Variants in SIRPB1 observed in about 807,000 individuals in gnomAD.
SIRPB1 encodes signal-regulatory protein beta-1.
Under a neutral mutation model 34.1 loss-of-function variants are expected in SIRPB1, and 28 were observed. That is an observed-to-expected ratio of 0.82 (90% CI 0.61 to 1.12). The LOEUF is 1.12. Among genes scored for constraint, SIRPB1 ranks in the 50% most tolerant of loss-of-function variants. SIRPB1 has a pLI of 0.00. For missense variants in SIRPB1, 499 were observed against 507.0 expected, an observed-to-expected ratio of 0.98 and a Z score of 0.15; for synonymous variants, 211 against 203.8, an observed-to-expected ratio of 1.04 and a Z score of -0.30.
rs2091425382 is a variant in SIRPB1, at chr20:1,586,846, G to GTA, written c.77-8153_77-8152insTA. On this transcript the variant is annotated intron_variant, in intron 1 of 5. Transcript: ENST00000381605. ...GGGACCACTGCACACGTGTGTGTGC[G>GTA]TGTGTGTGTACACATTCACAAATAT... Among the ~76,000 whole-genome samples, 2 of 49,436 alleles carry GTA rather than the reference G, an allele frequency of 4.0e-5. 1 individual carries two copies. The highest frequency in any genetic ancestry group is 7.8e-5 in the Non-Finnish European group (2 of 25,502). 32.4% of individuals were successfully genotyped at this position (49,436 alleles called of 152,430 possible). A position where few individuals can be genotyped will look rare whatever the true frequency, so the allele number is the denominator to read the frequency against.
intron 2 of SIRPB1, 23 bp from the exon 3 acceptor site, chr20:1,572,060 CAGG>C: frequency 6.2e-7 from 1 of 1,613,834 alleles, no homozygotes; most frequent in Non-Finnish European, 8.5e-7. Flanking sequence ...CATCGATAAT[CAGG>C]AGACATGACT....
chr20:1,603,246 A>C lies in SIRPB1; in HGVS notation c.76+16623T>G, dbSNP rs1453586372. On this transcript the variant is annotated intron_variant, in intron 1 of 5. Coordinates refer to ENST00000381605, the MANE Select transcript of SIRPB1 (RefSeq NM_006065.5). ...GCAGGAAAGGAGATCATAGATGAAC[A>C]GAAACTTGCACATAATAAATCTGCA... The C allele has an allele frequency of 3.7e-5, 6 of 163,542 alleles. 3 individuals are homozygous for C. The highest frequency in any genetic ancestry group is 7.1e-5 in the Non-Finnish European group (6 of 85,028). The allele number at this position is 163,542 out of a possible 1,614,324, so 10.1% of individuals were successfully genotyped here.
chr20:1,564,762 G>A lies in SIRPB1; in HGVS notation c.*738C>T, dbSNP rs973650991. 1 of 396,672 alleles carries A rather than the reference G, an allele frequency of 2.5e-6. No homozygotes were observed. The highest frequency in any genetic ancestry group is 2.1e-5 in the African/African-American group (1 of 48,596). 24.6% of individuals were successfully genotyped at this position (396,672 alleles called of 1,614,324 possible). On this transcript the variant is annotated 3_prime_UTR_variant, in exon 6 of 6. Coordinates refer to ENST00000381605, the MANE Select transcript of SIRPB1 (RefSeq NM_006065.5). ...TACACTAGAGAAATTGGCAAGCACT[G>A]CAAAACAGCTTTTGGTTTTTCCCTT...
At position 1,594,226 on chromosome 20, in the gene SIRPB1, A is replaced by G. The variant is rs1419836008; in HGVS notation, c.77-15532T>C. Among the ~76,000 whole-genome samples, 2 of 48,378 alleles carry G rather than the reference A, an allele frequency of 4.1e-5. 1 individual carries two copies. Among genetic ancestry groups the G allele is most frequent in the African/African-American group, 2.8e-4 (2 of 7,246 alleles). The allele number at this position is 48,378 out of a possible 152,430, so 31.7% of individuals were successfully genotyped here. A position where few individuals can be genotyped will look rare whatever the true frequency, so the allele number is the denominator to read the frequency against. ...CTCAAAAAAACAAACAAACAAACAA[A>G]AAATTATTTTAACTGATGCAATAGT... On this transcript the variant is annotated intron_variant, in intron 1 of 5. Transcript: ENST00000381605.
In SIRPB1 at chr20:1,587,264, A is replaced by G. The variant is rs2091427175; in HGVS notation, c.77-8570T>C. On this transcript the variant is annotated intron_variant, in intron 1 of 5. Transcript: ENST00000381605. ...TAAGAACAGTTTTTGCGTTATAGGA[A>G]GATCTCAATTGCTGAACTATTACTG... Among the ~76,000 whole-genome samples the G allele has an allele frequency of 4.0e-5, 2 of 49,666 alleles. 1 individual carries two copies. The highest frequency in any genetic ancestry group is 2.6e-4 in the African/African-American group (2 of 7,578). 32.6% of individuals were successfully genotyped at this position (49,666 alleles called of 152,430 possible). A position where few individuals can be genotyped will look rare whatever the true frequency, so the allele number is the denominator to read the frequency against.
chr20:1,614,488 C>T (rs1204415003), intron 1 of SIRPB1, among the ~76,000 whole-genome samples: 2 of 151,988 alleles, frequency 1.3e-5, no homozygotes, highest in African/African-American at 4.8e-5. Context: ...CCTAGTAAAA[C>T]CCATCATGGT....
At chr20:1,568,405 G>A (rs905959221) in intron 4 of SIRPB1, among the ~76,000 whole-genome samples, 6 of 152,274 alleles carry the variant, frequency 3.9e-5, no homozygotes, top group African/African-American at 1.2e-4. Context: ...TATGTGCCAG[G>A]ATGCCATGTC....
Position 1,565,424 on chromosome 20 carries a change from G to A in SIRPB1, c.*76C>T, listed in dbSNP as rs894523643. ...GAGGAGGCGTTTGGAGCTGAGTGTG[G>A]GGAAGGTTCTCGCCAGCTCCTTCTC... On this transcript the variant is annotated 3_prime_UTR_variant, in exon 6 of 6. Coordinates refer to ENST00000381605, the MANE Select transcript of SIRPB1 (RefSeq NM_006065.5). The A allele has an allele frequency of 4.4e-5, 8 of 180,492 alleles. No homozygotes were observed. The allele number at this position is 180,492 out of a possible 1,614,324, so 11.2% of individuals were successfully genotyped here. A position where few individuals can be genotyped will look rare whatever the true frequency, so the allele number is the denominator to read the frequency against.
intron 1 of SIRPB1, among the ~76,000 whole-genome samples, chr20:1,617,782 T>C (rs1355895233): frequency 6.6e-6 from 1 of 152,238 alleles, no homozygotes; most frequent in Non-Finnish European, 1.5e-5. Context: ...TAATATGGTA[T>C]ACATGATAAG....
intron 4 of SIRPB1, 64 bp from the exon 5 acceptor site, chr20:1,566,331 C>T (rs1052550323): frequency 1.5e-5 from 14 of 948,530 alleles, no homozygotes; most frequent in Non-Finnish European, 2.3e-5. Context: ...CCAGGGGCCT[C>T]CACTTACCCC....
At chr20:1,570,646 C>A (rs550631726) in intron 4 of SIRPB1, 159 bp downstream of exon 4, 21 of 616,028 alleles carry the variant, frequency 3.4e-5, no homozygotes, top group Non-Finnish European at 4.4e-5. Flanking sequence ...TTACCTTGAA[C>A]CTTCTAAGTA....
chr20:1,570,773 A>C, intron 4 of SIRPB1, 32 bp downstream of exon 4: 1 of 1,517,798 alleles, frequency 6.6e-7, no homozygotes, highest in Non-Finnish European at 9.0e-7. Context: ...TTAAAGAAAA[A>C]GACAAAATTT....
intron 3 of SIRPB1, 108 bp downstream of exon 3, chr20:1,571,612 A>G: frequency 6.6e-7 from 1 of 1,525,026 alleles, no homozygotes. Flanking sequence ...GAGGTGGACA[A>G]CACAGTTAGG....
chr20:1,578,234 T>C, intron 2 of SIRPB1, 104 bp downstream of exon 2: 1 of 1,268,632 alleles, frequency 7.9e-7, no homozygotes, highest in Non-Finnish European at 1.1e-6. Context: ...AAAGGGTGGC[T>C]GCTCAGCCAC....
chr20:1,606,780 G>A lies in SIRPB1; in HGVS notation c.76+13089C>T, dbSNP rs2091514228. Among the ~76,000 whole-genome samples, 2 of 54,478 alleles carry A rather than the reference G, an allele frequency of 3.7e-5. 1 individual carries two copies. The highest frequency in any genetic ancestry group is 6.7e-5 in the Non-Finnish European group (2 of 30,002). 35.7% of individuals were successfully genotyped at this position (54,478 alleles called of 152,430 possible). On this transcript the variant is annotated intron_variant, in intron 1 of 5. Transcript: ENST00000381605. ...CCTCATGTGAGCCCTTGTGTAGGGCGAGACTCTGAGAGGATCCTTGGTGGC... is the reference window on the plus strand; with the variant it reads ...CCTCATGTGAGCCCTTGTGTAGGGCAAGACTCTGAGAGGATCCTTGGTGGC...
At position 1,574,407 on chromosome 20, in the gene SIRPB1, G is replaced by T. The variant is rs980450678; in HGVS notation, c.434-2370C>A. Among the ~76,000 whole-genome samples the T allele has an allele frequency of 4.4e-3, 167 of 37,580 alleles. 5 individuals are homozygous for T. The highest frequency in any genetic ancestry group is 0.017 in the African/African-American group (163 of 9,720). The allele number at this position is 37,580 out of a possible 152,430, so 24.7% of individuals were successfully genotyped here. On this transcript the variant is annotated intron_variant, in intron 2 of 5. Transcript: ENST00000381605. The stretch of plus-strand genomic sequence containing the variant: ...TGTTCTCAAAGCCCCAAAACCTGGG[G>T]CACCGCTTTTGCTAGGGGGCTGTGT...
intron 2 of SIRPB1, among the ~76,000 whole-genome samples, chr20:1,577,247 C>G (rs1246022900): frequency 6.8e-6 from 1 of 147,948 alleles, no homozygotes; most frequent in African/African-American, 2.5e-5. Context: ...CTATGATGCA[C>G]CAGGCTCTTC....
chr20:1,606,055 C>A, intron 1 of SIRPB1: 1 of 221,734 alleles, frequency 4.5e-6, no homozygotes. Flanking sequence ...AAAACCGGTC[C>A]TGTATTGCCA....
In SIRPB1 at chr20:1,563,988, A is replaced by G. The variant is rs1315787005; in HGVS notation, c.*1512T>C. On this transcript the variant is annotated 3_prime_UTR_variant, in exon 6 of 6. Coordinates refer to ENST00000381605, the MANE Select transcript of SIRPB1 (RefSeq NM_006065.5). ...TAGAAATATACAAAAAAAGGCAAGC[A>G]CTCTTCCAACTACTCTGGATACATT... 1.3e-5 allele frequency: 2 copies of G among 151,964 alleles called. No homozygotes were observed. The highest frequency in any genetic ancestry group is 6.6e-5 in the Admixed American group (1 of 15,200). The allele number at this position is 151,964 out of a possible 1,614,324, so 9.4% of individuals were successfully genotyped here. A position where few individuals can be genotyped will look rare whatever the true frequency, so the allele number is the denominator to read the frequency against.
Sources: allele counts gnomAD v4.1 joint callset (sites outside exome capture counted in the v4.1 genomes callset), GRCh38; gene constraint gnomAD v4.1.1; transcripts MANE v1.5; gene names NCBI Gene and HGNC (gene_info 2026-07-23, HGNC 2026-07-21).